The following NPFFR2 variants were observed in gnomAD, a reference collection of about 807,000 sequenced individuals.
The protein encoded by NPFFR2 is neuropeptide FF receptor 2.
NPFFR2 carries 15 observed loss-of-function variants against 13.1 expected under a neutral mutation model. The observed-to-expected ratio is 1.15, with a 90% CI of 0.77 to 1.76. NPFFR2 has a LOEUF of 1.76. NPFFR2 is among the 40% of genes most tolerant of loss of function. The pLI, the probability that NPFFR2 is intolerant of heterozygous loss-of-function variation, is 0.00. For synonymous variants in NPFFR2, 190 were observed against 175.7 expected (o/e 1.08, Z -0.65); for missense variants, 572 against 503.5 (o/e 1.14, Z -1.30).
At chr4:72,109,736 C>T (rs1329938736) in intron 1 of NPFFR2, among the ~76,000 whole-genome samples, 1 of 151,854 alleles carries the variant, frequency 6.6e-6, no homozygotes, top group East Asian at 1.9e-4. Context: ...TTAATGAATG[C>T]CCATTCCCTT....
Position 72,147,202 on chromosome 4 carries a change from T to G in NPFFR2, c.653T>G (p.Ile218Ser). Reference sequence around the variant, plus strand: ...TGGCCAAATCAGGAAATGAGGAAGATCTACACCACTGTGCTGTTTGCCAAC... The same window carrying G: ...TGGCCAAATCAGGAAATGAGGAAGAGCTACACCACTGTGCTGTTTGCCAAC... ...EDWPNQEMRK[I>S]YTTVLFANIY... The change falls in exon 4 of 4, where the codon ATC becomes AGC. Residue 218 changes from isoleucine (I) to serine (S), a missense_variant. Ile to Ser is a moderately radical substitution (Grantham distance 142). Coordinates refer to ENST00000308744, the MANE Select transcript of NPFFR2 (RefSeq NM_004885.3). 6.2e-7 allele frequency: 1 copy of G among 1,614,114 alleles called. No homozygotes were observed. Among genetic ancestry groups the G allele is most frequent in the Non-Finnish European group, 8.5e-7 (1 of 1,180,006 alleles).
chr4:72,056,511 A>T (rs1719748225), intron 1 of NPFFR2, among the ~76,000 whole-genome samples: 1 of 152,016 alleles, frequency 6.6e-6, no homozygotes, highest in African/African-American at 2.4e-5. Context: ...CTGCTAATAC[A>T]ACATACATTC....
chr4:72,053,317 G>A (rs921187551), intron 1 of NPFFR2, among the ~76,000 whole-genome samples: 8 of 151,726 alleles, frequency 5.3e-5, no homozygotes, highest in Non-Finnish European at 8.8e-5. Flanking sequence ...GTGAATCTGG[G>A]GGAAAGAAAA....
intron 1 of NPFFR2, among the ~76,000 whole-genome samples, chr4:72,109,709 G>T (rs1721510135): frequency 6.6e-6 from 1 of 151,806 alleles, no homozygotes; most frequent in South Asian, 2.1e-4. Context: ...ATTTGTTGTT[G>T]TTGTTGTTGT....
At chr4:72,097,527 T>C (rs567232877) in intron 1 of NPFFR2, among the ~76,000 whole-genome samples, 1 of 152,278 alleles carries the variant, frequency 6.6e-6, no homozygotes, top group East Asian at 1.9e-4. Flanking sequence ...CCTTAAAATA[T>C]GGACTTTATA....
intron 1 of NPFFR2, among the ~76,000 whole-genome samples, chr4:72,116,958 A>G (rs1260615628): frequency 6.6e-6 from 1 of 152,080 alleles, no homozygotes; most frequent in Non-Finnish European, 1.5e-5. Flanking sequence ...ACCTGCCTGT[A>G]TCTGTCTGAC....
At chr4:72,069,075 C>A (rs1720166431) in intron 1 of NPFFR2, 3 of 572,734 alleles carry the variant, frequency 5.2e-6, no homozygotes, top group Non-Finnish European at 8.6e-6. Context: ...AATACCAACA[C>A]TACTTAAGCT....
intron 1 of NPFFR2, among the ~76,000 whole-genome samples, chr4:72,124,846 C>T (rs1560418486): frequency 6.6e-6 from 1 of 152,140 alleles, no homozygotes; most frequent in Non-Finnish European, 1.5e-5. Flanking sequence ...CAATACCATT[C>T]AGGACATAGG....
At position 72,047,613 on chromosome 4, in the gene NPFFR2, T is replaced by C. The variant is rs144071473; in HGVS notation, c.-8+15413T>C. Among the ~76,000 whole-genome samples the C allele has an allele frequency of 2.7e-3, 415 of 152,320 alleles. 5 individuals are homozygous for C. Among genetic ancestry groups the C allele is most frequent in the African/African-American group, 9.4e-3 (391 of 41,582 alleles). ...TCACAGAACTCATAATCCTTGTGAT[T>C]ACTTGCTCAATGCTTTGTCTTTTAT... On this transcript the variant is annotated intron_variant, in intron 1 of 3. Coordinates refer to ENST00000308744, the MANE Select transcript of NPFFR2 (RefSeq NM_004885.3).
intron 1 of NPFFR2, among the ~76,000 whole-genome samples, chr4:72,113,690 G>A (rs1486008439): frequency 1.3e-5 from 2 of 152,056 alleles, no homozygotes; most frequent in African/African-American, 2.4e-5. Flanking sequence ...GTTCTGAAAT[G>A]TACTAATAAT....
chr4:72,135,840 G>T (rs1722392212), intron 2 of NPFFR2, among the ~76,000 whole-genome samples: 1 of 151,232 alleles, frequency 6.6e-6, no homozygotes. Context: ...GTTAATATGG[G>T]TACATATGTG....
intron 1 of NPFFR2, among the ~76,000 whole-genome samples, chr4:72,110,024 T>C (rs966860025): frequency 6.6e-6 from 1 of 151,934 alleles, no homozygotes; most frequent in Non-Finnish European, 1.5e-5. Flanking sequence ...GGCTCTATAG[T>C]CAGTGAGGCA....
At chr4:72,081,737 C>T (rs28646204) in intron 1 of NPFFR2, among the ~76,000 whole-genome samples, 4,004 of 152,162 alleles carry the variant, frequency 0.026, 144 homozygotes, top group African/African-American at 0.079. Flanking sequence ...GCAGTCCTCC[C>T]GCCTTGGCCT....
intron 1 of NPFFR2, among the ~76,000 whole-genome samples, chr4:72,096,734 G>A (rs971546887): frequency 6.6e-6 from 1 of 151,936 alleles, no homozygotes. Flanking sequence ...TCACTCAGTT[G>A]TATATTCATG....
chr4:72,076,374 T>G (rs1720438110), intron 1 of NPFFR2, among the ~76,000 whole-genome samples: 1 of 152,118 alleles, frequency 6.6e-6, no homozygotes, highest in Non-Finnish European at 1.5e-5. Flanking sequence ...AATTGTTATA[T>G]TCTAACAAAA....
intron 1 of NPFFR2, among the ~76,000 whole-genome samples, chr4:72,088,422 A>G (rs1190828173): frequency 6.6e-6 from 1 of 152,114 alleles, no homozygotes; most frequent in Admixed American, 6.6e-5. Context: ...AGTAAGTAAT[A>G]TAGCTTACAT....
At chr4:72,122,999 A>G (rs932745865) in intron 1 of NPFFR2, among the ~76,000 whole-genome samples, 2 of 152,196 alleles carry the variant, frequency 1.3e-5, no homozygotes, top group South Asian at 4.1e-4. Context: ...AAATATGTAG[A>G]CCACTAGGCA....
chr4:72,132,701 TG>T (rs1428144136), intron 2 of NPFFR2, among the ~76,000 whole-genome samples: 1 of 152,230 alleles, frequency 6.6e-6, no homozygotes, highest in Non-Finnish European at 1.5e-5. Context: ...CTGACTGGTG[TG>T]GGATGATATC....
At chr4:72,125,437 G>A (rs977675070) in intron 1 of NPFFR2, among the ~76,000 whole-genome samples, 25 of 152,306 alleles carry the variant, frequency 1.6e-4, no homozygotes, top group African/African-American at 6.0e-4. Context: ...AAATTGGGAA[G>A]TATAGGTGGT....
Sources: allele counts gnomAD v4.1 joint callset (sites outside exome capture counted in the v4.1 genomes callset), GRCh38; gene constraint gnomAD v4.1.1; transcripts MANE v1.5; gene names NCBI Gene and HGNC (gene_info 2026-07-23, HGNC 2026-07-21).